The following F2 variants were observed in gnomAD, a reference collection of about 807,000 sequenced individuals.
F2 encodes coagulation factor II, thrombin, also known as prothrombin.
Under a neutral mutation model 81.9 loss-of-function variants are expected in F2, and 34 were observed. The ratio of observed to expected loss-of-function variants is 0.42; its 90% CI spans 0.32 to 0.55. The LOEUF is 0.55. F2 is among the 20% of genes least tolerant of loss of function. The pLI is 0.18. For synonymous variants in F2, 296 were observed against 326.4 expected (o/e 0.91, Z 1.01); for missense variants, 630 against 833.4 (o/e 0.76, Z 3.00).
intron 13 of F2, 24 bp from the exon 14 acceptor site, chr11:46,739,241 G>A: frequency 1.2e-6 from 2 of 1,613,688 alleles, no homozygotes; most frequent in Non-Finnish European, 8.5e-7. Context: ...TGACTCTATT[G>A]GAAACCTCAT....
At chr11:46,721,656 A>G (rs1359404503) in intron 4 of F2, among the ~76,000 whole-genome samples, 1 of 152,130 alleles carries the variant, frequency 6.6e-6, no homozygotes, top group Non-Finnish European at 1.5e-5. Flanking sequence ...TCCCTCCTGC[A>G]CTGTGTTCTG....
At chr11:46,735,486 G>T (rs2064938508) in intron 12 of F2, among the ~76,000 whole-genome samples, 1 of 152,058 alleles carries the variant, frequency 6.6e-6, no homozygotes, top group Non-Finnish European at 1.5e-5. Flanking sequence ...GCTGGGCATG[G>T]TGGCATGTGC....
chr11:46,723,689 G>C lies in F2; in HGVS notation c.559+171G>C, dbSNP rs773732691. The stretch of plus-strand genomic sequence containing the variant: ...GCAGATCACCTGAGGTCAGGGGTTT[G>C]AGACCAGCTGGGCCAACATGGCAAA... On this transcript the variant is annotated intron_variant, in intron 6 of 13. Transcript: ENST00000311907. This position sits in a 1 kb window ranked among gnomAD's most constrained non-coding sequence, Gnocchi z 5.6. Among the ~76,000 whole-genome samples, 1 of 152,180 alleles carries C rather than the reference G, an allele frequency of 6.6e-6. No individual in the cohort carries two copies. Among genetic ancestry groups the C allele is most frequent in the Non-Finnish European group, 1.5e-5 (1 of 68,018 alleles).
rs150569436 is a variant in F2 at position 46,728,142 on chromosome 11, T to A, written c.1277T>A (p.Ile426Asn). Residue 426 changes from isoleucine to asparagine, a missense_variant, in exon 10 of 14, where the codon ATT becomes AAT. Ile to Asn is a moderately radical substitution (Grantham distance 149, BLOSUM62 -3). Transcript: ENST00000311907. The surrounding 1 kb of genome is among the most constrained non-coding windows in gnomAD (Gnocchi z 5.1). ...NFTENDLLVR[I>N]GKHSRTRYER... ...ACCGAGAATGACCTTCTGGTGCGCA[T>A]TGGCAAGCACTCCCGCACCAGGTAC... 6.2e-7 allele frequency: 1 copy of A among 1,610,024 alleles called. No homozygotes were observed.
chr11:46,727,005 CT>C (rs995745482), intron 9 of F2, among the ~76,000 whole-genome samples, 168 bp downstream of exon 9: 4 of 151,654 alleles, frequency 2.6e-5, no homozygotes, highest in African/African-American at 2.4e-5. Flanking sequence ...TTGTTTACTT[CT>C]TTTTTTTTGT....
In F2 at chr11:46,726,914, C is replaced by A; in HGVS notation, c.1130+77C>A. The A allele has an allele frequency of 6.3e-7, 1 of 1,599,798 alleles. No homozygotes were observed. Among genetic ancestry groups the A allele is most frequent in the Non-Finnish European group, 8.5e-7 (1 of 1,169,938 alleles). On this transcript the variant is annotated intron_variant, in intron 9 of 13. Transcript: ENST00000311907. The surrounding 1 kb of genome is among the most constrained non-coding windows in gnomAD (Gnocchi z 5.9). Reference sequence around the variant, plus strand: ...CTGGACCCCCACCCTCAGGCCCTGCCTGCAGGCCTGGGCTTTACAGATGAC... The same window carrying A: ...CTGGACCCCCACCCTCAGGCCCTGCATGCAGGCCTGGGCTTTACAGATGAC...
chr11:46,731,718 C>T (rs905502085), intron 12 of F2, among the ~76,000 whole-genome samples: 9 of 152,040 alleles, frequency 5.9e-5, no homozygotes, highest in Non-Finnish European at 1.0e-4. Flanking sequence ...GGTTTCCTCA[C>T]GGTCAGGTTC....
At chr11:46,735,379 T>A (rs1317196485) in intron 12 of F2, among the ~76,000 whole-genome samples, 1 of 151,802 alleles carries the variant, frequency 6.6e-6, no homozygotes, top group African/African-American at 2.4e-5. Flanking sequence ...AGGTGGAGGT[T>A]GCAGTGAGCT....
Position 46,737,483 on chromosome 11 carries a change from C to G in F2, c.1655-1565C>G, listed in dbSNP as rs369086764. On this transcript the variant is annotated intron_variant, in intron 12 of 13. Coordinates refer to ENST00000311907, the MANE Select transcript of F2 (RefSeq NM_000506.5). ...TGAGACAGAGTCTTGCTCTGTCACC[C>G]AGGCTGGAGTGCAGTGGTGCGATCT... Among the ~76,000 whole-genome samples the G allele has an allele frequency of 9.6e-3, 1,331 of 138,782 alleles. 18 individuals are homozygous for G. Among genetic ancestry groups the G allele is most frequent in the Middle Eastern group, 0.026 (5 of 196 alleles). 91.0% of individuals were successfully genotyped at this position (138,782 alleles called of 152,430 possible). A position where few individuals can be genotyped will look rare whatever the true frequency, so the allele number is the denominator to read the frequency against.
chr11:46,727,318 G>A (rs574258388), intron 9 of F2, among the ~76,000 whole-genome samples: 3 of 150,934 alleles, frequency 2.0e-5, no homozygotes, highest in African/African-American at 4.9e-5. Flanking sequence ...CACCACACCC[G>A]GCCCATGGGT....
At chr11:46,730,628 T>A (rs2064905338) in intron 12 of F2, among the ~76,000 whole-genome samples, 1 of 151,844 alleles carries the variant, frequency 6.6e-6, no homozygotes, top group Non-Finnish European at 1.5e-5. Context: ...ATTGAGGGGC[T>A]TGAGGCAGGT....
At position 46,728,640 on chromosome 11, in the gene F2, A is replaced by T. The variant is rs1423472999; in HGVS notation, c.1299-24A>T. On this transcript the variant is annotated intron_variant, in intron 10 of 13. Coordinates refer to ENST00000311907, the MANE Select transcript of F2 (RefSeq NM_000506.5). This position sits in a 1 kb window ranked among gnomAD's most constrained non-coding sequence, Gnocchi z 5.1. ...TGCTGGGTGAACCTGCAGCTTCTCCATTTCTTTCTTGGGGTCTCTGCAGGT... is the reference window on the plus strand; with the variant it reads ...TGCTGGGTGAACCTGCAGCTTCTCCTTTTCTTTCTTGGGGTCTCTGCAGGT... The T allele has an allele frequency of 1.9e-6, 3 of 1,613,490 alleles. No homozygotes were observed. The highest frequency in any genetic ancestry group is 1.7e-6 in the Non-Finnish European group (2 of 1,179,510).
chr11:46,726,318 C>A lies in F2; in HGVS notation c.874+145C>A. On this transcript the variant is annotated intron_variant, in intron 7 of 13. Transcript: ENST00000311907. This position sits in a 1 kb window ranked among gnomAD's most constrained non-coding sequence, Gnocchi z 5.9. The stretch of plus-strand genomic sequence containing the variant: ...ACCAGGTGGGGGGTAAGGTCCTGTG[C>A]CCATTTCACAGATAAGTACACTGAG... 1 of 1,428,328 alleles carries A rather than the reference C, an allele frequency of 7.0e-7. No homozygotes were observed. The highest frequency in any genetic ancestry group is 9.5e-7 in the Non-Finnish European group (1 of 1,047,920). 88.5% of individuals were successfully genotyped at this position (1,428,328 alleles called of 1,614,324 possible).
Position 46,726,436 on chromosome 11 carries a change from G to A in F2, c.875-62G>A. 3.2e-6 allele frequency: 5 copies of A among 1,582,696 alleles called. No individual in the cohort carries two copies. Among genetic ancestry groups the A allele is most frequent in the Non-Finnish European group, 3.4e-6 (4 of 1,165,138 alleles). ...CCAAGGCCCGTAGGGGAATTGGGGG[G>A]ATCTAGGGGATGGGTGAGGAATGGC... On this transcript the variant is annotated intron_variant, in intron 7 of 13. Transcript: ENST00000311907. This position sits in a 1 kb window ranked among gnomAD's most constrained non-coding sequence, Gnocchi z 5.9.
chr11:46,725,995 C>CA lies in F2; in HGVS notation c.696_697insA (p.Pro233ThrfsTer37). 1 of 1,613,990 alleles carries CA rather than the reference C, an allele frequency of 6.2e-7. No individual in the cohort carries two copies. Among genetic ancestry groups the CA allele is most frequent in the African/African-American group, 1.3e-5 (1 of 75,062 alleles). On this transcript the variant is annotated frameshift_variant, in exon 7 of 14. Coordinates refer to ENST00000311907, the MANE Select transcript of F2 (RefSeq NM_000506.5). LOFTEE classifies it high-confidence loss of function. Reference sequence around the variant, plus strand: ...GCCTGGCGGTGACCACACATGGGCTCCCCTGCCTGGCCTGGGCCAGCGCAC... The same window carrying CA: ...GCCTGGCGGTGACCACACATGGGCTCACCCTGCCTGGCCTGGGCCAGCGCAC...
At chr11:46,734,998 ACTAG>A (rs903479277) in intron 12 of F2, among the ~76,000 whole-genome samples, 5 of 152,188 alleles carry the variant, frequency 3.3e-5, no homozygotes, top group African/African-American at 1.2e-4. Context: ...CAAATGGCTA[ACTAG>A]CTGTCTCTAA....
chr11:46,724,516 G>T (rs928837077), intron 6 of F2, among the ~76,000 whole-genome samples: 3 of 152,180 alleles, frequency 2.0e-5, no homozygotes, highest in African/African-American at 4.8e-5. Context: ...ACAGAAAAGC[G>T]TCTTCTGTCC....
At position 46,728,582 on chromosome 11, in the gene F2, C is replaced by T; in HGVS notation, c.1299-82C>T. The T allele has an allele frequency of 6.5e-7, 1 of 1,531,216 alleles. No homozygotes were observed. The highest frequency in any genetic ancestry group is 9.0e-7 in the Non-Finnish European group (1 of 1,109,204). The allele number at this position is 1,531,216 out of a possible 1,614,324, so 94.9% of individuals were successfully genotyped here. ...GGTGGCCTGCAGGACACACTGTCTC[C>T]CAGACCCCAAGGGCAGGCAGTTTCC... On this transcript the variant is annotated intron_variant, in intron 10 of 13. Coordinates refer to ENST00000311907, the MANE Select transcript of F2 (RefSeq NM_000506.5). The surrounding 1 kb of genome is among the most constrained non-coding windows in gnomAD (Gnocchi z 5.1).
rs202067051 is a variant in F2, at chr11:46,725,880, C to T, written c.581C>T (p.Ala194Val). The change falls in exon 7 of 14, where the codon GCG becomes GTG. Residue 194 changes from alanine (A) to valine (V), a missense_variant. By Grantham distance (64) the Ala-to-Val change is moderately conservative (BLOSUM62 0). Coordinates refer to ENST00000311907, the MANE Select transcript of F2 (RefSeq NM_000506.5). Reference protein sequence around the residue: ...PVCGQDQVTVAMTPRSEGSSV... With the variant: ...PVCGQDQVTVVMTPRSEGSSV... ...CCAGGCCAGGATCAAGTCACTGTAG[C>T]GATGACTCCACGCTCCGAAGGCTCC... 51 of 1,613,110 alleles carry T rather than the reference C, an allele frequency of 3.2e-5. 1 individual carries two copies. Among genetic ancestry groups the T allele is most frequent in the Non-Finnish European group, 3.6e-5 (43 of 1,180,016 alleles).
Sources: gnomAD v4.1 joint callset for allele counts (sites outside exome capture counted in the v4.1 genomes callset) on GRCh38, gnomAD v4.1.1 for gene constraint, Gnocchi (gnomAD v3.1) non-coding constraint, MANE v1.5 for transcripts, NCBI Gene and HGNC (gene_info 2026-07-23, HGNC 2026-07-21) for gene names.